Variants in KCNJ6 observed in about 807,000 individuals in gnomAD.
The protein encoded by KCNJ6 is G protein-activated inward rectifier potassium channel 2.
Under a neutral mutation model 34.2 loss-of-function variants are expected in KCNJ6, and 9 were observed. That is an observed-to-expected ratio of 0.26 (90% confidence interval 0.16 to 0.46). The LOEUF (loss-of-function observed/expected upper bound fraction) is 0.46. Among genes scored for constraint, KCNJ6 ranks in the 20% least tolerant of loss-of-function variants. The probability of loss-of-function intolerance (pLI) is 1.00; values close to 1 mark genes in which losing one functional copy is unlikely to be tolerated. For missense variants in KCNJ6, 236 were observed against 531.3 expected (o/e 0.44, Z 5.46); for synonymous variants, 196 against 207.1 (o/e 0.95, Z 0.46).
chr21:37,872,893 C>T (rs185079057), intron 1 of KCNJ6, among the ~76,000 whole-genome samples: 41 of 152,284 alleles, frequency 2.7e-4, no homozygotes, highest in African/African-American at 9.6e-4. Flanking sequence ...GAGCATCTGA[C>T]ATTTCCCCTG....
intron 2 of KCNJ6, among the ~76,000 whole-genome samples, chr21:37,835,649 T>C (rs945925599): frequency 1.3e-5 from 2 of 152,236 alleles, no homozygotes; most frequent in African/African-American, 2.4e-5. Context: ...CAGAGTCTAC[T>C]AGGCTGTGTC....
At chr21:37,913,819 AAAAG>A (rs1478008310) in intron 1 of KCNJ6, among the ~76,000 whole-genome samples, 8 of 152,226 alleles carry the variant, frequency 5.3e-5, no homozygotes, top group Admixed American at 2.0e-4. Context: ...CTCCGTCTAA[AAAAG>A]AAAGAAAGAA....
chr21:37,634,337 A>G (rs886846744), intron 3 of KCNJ6, among the ~76,000 whole-genome samples: 5 of 152,072 alleles, frequency 3.3e-5, no homozygotes, highest in Non-Finnish European at 1.5e-5. Context: ...TGTGAGCGTC[A>G]TGCACCTGCT....
At chr21:37,742,190 T>C (rs2054944530) in intron 2 of KCNJ6, among the ~76,000 whole-genome samples, 1 of 152,224 alleles carries the variant, frequency 6.6e-6, no homozygotes, top group Admixed American at 6.5e-5. Flanking sequence ...AATTTGGTTA[T>C]TAACCAAGTC....
chr21:37,719,669 CTCTTT>C (rs916973041), intron 2 of KCNJ6: 3 of 152,194 alleles, frequency 2.0e-5, no homozygotes, highest in African/African-American at 4.8e-5. Context: ...TTCTCCTCCT[CTCTTT>C]TGTTTCTTTC....
intron 3 of KCNJ6, among the ~76,000 whole-genome samples, chr21:37,685,321 G>A (rs2123422126): frequency 6.6e-6 from 1 of 151,830 alleles, no homozygotes; most frequent in South Asian, 2.1e-4. Context: ...TTGTAGGAGG[G>A]CAATTTGGCA....
intron 1 of KCNJ6, among the ~76,000 whole-genome samples, chr21:37,899,853 T>C (rs2055807988): frequency 6.6e-6 from 1 of 152,226 alleles, no homozygotes; most frequent in South Asian, 2.1e-4. Context: ...TGCTGAAAGC[T>C]AGTAGCATAT....
At chr21:37,724,617 C>T (rs939704454) in intron 2 of KCNJ6, among the ~76,000 whole-genome samples, 33 of 151,966 alleles carry the variant, frequency 2.2e-4, no homozygotes, top group Admixed American at 1.4e-3. Context: ...GTATGGTGGT[C>T]GAGACAGGAA....
chr21:37,893,023 T>C (rs2055769979), intron 1 of KCNJ6, among the ~76,000 whole-genome samples: 1 of 150,274 alleles, frequency 6.7e-6, no homozygotes, highest in Admixed American at 6.6e-5. Flanking sequence ...CAGCTAATTT[T>C]TTTTGTATTT....
At chr21:37,843,349 A>G (rs1332387832) in intron 1 of KCNJ6, among the ~76,000 whole-genome samples, 1 of 152,116 alleles carries the variant, frequency 6.6e-6, no homozygotes, top group Non-Finnish European at 1.5e-5. Flanking sequence ...AAGTGGGGAG[A>G]GGCTCCTAAA....
At chr21:37,829,568 G>C (rs1293721831) in intron 2 of KCNJ6, among the ~76,000 whole-genome samples, 8 of 152,190 alleles carry the variant, frequency 5.3e-5, no homozygotes, top group African/African-American at 1.4e-4. Context: ...GAGGTGTGTG[G>C]AGCTTGTGGC....
intron 3 of KCNJ6, among the ~76,000 whole-genome samples, chr21:37,667,848 G>A (rs2123404922): frequency 6.6e-6 from 1 of 152,194 alleles, no homozygotes; most frequent in South Asian, 2.1e-4. Flanking sequence ...CACTGTCCTA[G>A]GTCCATCTCG....
At chr21:37,645,403 A>G (rs2054399751) in intron 3 of KCNJ6, among the ~76,000 whole-genome samples, 1 of 152,156 alleles carries the variant, frequency 6.6e-6, no homozygotes, top group African/African-American at 2.4e-5. Flanking sequence ...CAAAAAAACC[A>G]AACAAGCTCC....
chr21:37,796,168 T>C (rs2055240751), intron 2 of KCNJ6, among the ~76,000 whole-genome samples: 1 of 152,152 alleles, frequency 6.6e-6, no homozygotes, highest in Admixed American at 6.5e-5. Flanking sequence ...CTGCCATTTT[T>C]TATGGCCCTG....
intron 1 of KCNJ6, among the ~76,000 whole-genome samples, chr21:37,905,084 A>G (rs866890523): frequency 6.6e-6 from 1 of 152,064 alleles, no homozygotes; most frequent in Non-Finnish European, 1.5e-5. Context: ...GTGGTGTGAG[A>G]GCTTTCTTTG....
intron 1 of KCNJ6, among the ~76,000 whole-genome samples, chr21:37,882,811 G>A (rs2055716097): frequency 6.6e-6 from 1 of 152,228 alleles, no homozygotes; most frequent in Non-Finnish European, 1.5e-5. Flanking sequence ...TTTAGAGTTT[G>A]CAAACTGCCT....
chr21:37,703,057 A>G (rs1413260732), intron 3 of KCNJ6, among the ~76,000 whole-genome samples: 1 of 152,202 alleles, frequency 6.6e-6, no homozygotes, highest in Non-Finnish European at 1.5e-5. Context: ...TGAGAGAAAG[A>G]GAGCTGAGAA....
chr21:37,765,047 T>A (rs2055084216), intron 2 of KCNJ6, among the ~76,000 whole-genome samples: 2 of 152,354 alleles, frequency 1.3e-5, no homozygotes, highest in East Asian at 3.9e-4. Context: ...ATAAGGCTAT[T>A]TTCAAAATTA....
rs1346119674 is a variant in KCNJ6, at chr21:37,616,203, C to G, written c.*8956G>C. The G allele has an allele frequency of 6.6e-6, 1 of 152,238 alleles. No homozygotes were observed. The highest frequency in any genetic ancestry group is 1.5e-5 in the Non-Finnish European group (1 of 68,100). 9.4% of individuals were successfully genotyped at this position (152,238 alleles called of 1,614,324 possible). ...CAAGCACATCCTCGGTAACCAGGCA[C>G]CCACAAGTGCTGGGAGTTTCCCCAG... On this transcript the variant is annotated 3_prime_UTR_variant, in exon 4 of 4. Coordinates refer to ENST00000609713, the MANE Select transcript of KCNJ6 (RefSeq NM_002240.5).
Sources: gnomAD v4.1 joint callset for allele counts (sites outside exome capture counted in the v4.1 genomes callset) on GRCh38, gnomAD v4.1.1 for gene constraint, MANE v1.5 for transcripts, NCBI Gene and HGNC (gene_info 2026-07-23, HGNC 2026-07-21) for gene names.